FILIP1: variants seen among roughly 807,000 people sequenced by gnomAD.
FILIP1 encodes the protein filamin A interacting protein 1, also known as filamin-A-interacting protein 1.
In FILIP1, 61 loss-of-function variants were observed where a neutral mutation model predicts 102.1. The observed-to-expected ratio is 0.60, with a 90% confidence interval of 0.49 to 0.74. The LOEUF is 0.74. Ranked by LOEUF, FILIP1 falls within the 30% of genes least tolerant of loss-of-function variation. The pLI, the probability that FILIP1 is intolerant of heterozygous loss-of-function variation, is 0.00. For synonymous variants in FILIP1, 491 were observed against 526.9 expected, an observed-to-expected ratio of 0.93 and a Z score of 0.93; for missense variants, 1,314 against 1,441.2, an observed-to-expected ratio of 0.91 and a Z score of 1.43.
Position 75,312,406 on chromosome 6 carries a change from G to A in FILIP1, c.3426C>T (p.Thr1142=). 2 of 1,613,272 alleles carry A rather than the reference G, an allele frequency of 1.2e-6. No individual in the cohort carries two copies. Among genetic ancestry groups the A allele is most frequent in the Non-Finnish European group, 1.7e-6 (2 of 1,179,534 alleles). ...AGCCTCTTCTACTCACCACTGACTG[G>A]GTTCCTCGAGCAGATGACGTTGTGA... ...TPVTTSSARG[T]QSVSGQDGSS... The change falls in exon 5 of 6, where the codon ACC becomes ACT. Residue 1142 remains threonine (T), a synonymous_variant. Coordinates refer to ENST00000237172, the MANE Select transcript of FILIP1 (RefSeq NM_015687.5).
chr6:75,313,619 T>C lies in FILIP1; in HGVS notation c.2213A>G (p.Glu738Gly). Residue 738 changes from glutamate to glycine, a missense_variant, in exon 5 of 6, where the codon GAA becomes GGA. This residue lies in a region of FILIP1 where 816 missense variants were observed against 913.1 expected (regional missense o/e 0.89). Coordinates refer to ENST00000237172, the MANE Select transcript of FILIP1 (RefSeq NM_015687.5). This position sits in a 1 kb window ranked among gnomAD's most constrained non-coding sequence, Gnocchi z 4.2. ...KEKIHELMNK[E>G]DQLSQLQVDY... is the part of the protein sequence containing the mutation. The stretch of plus-strand genomic sequence containing the variant: ...TACCTGGAGCTGAGAAAGCTGATCT[T>C]CTTTGTTCATTAATTCGTGAATCTT... 1 of 1,603,244 alleles carries C rather than the reference T, an allele frequency of 6.2e-7. No homozygotes were observed. The highest frequency in any genetic ancestry group is 8.5e-7 in the Non-Finnish European group (1 of 1,177,046).
intron 1 of FILIP1, among the ~76,000 whole-genome samples, chr6:75,481,181 T>C (rs969682274): frequency 6.6e-6 from 1 of 152,250 alleles, no homozygotes; most frequent in East Asian, 1.9e-4. Context: ...ATTTACCCAC[T>C]AGTCACTTGG....
chr6:75,307,948 A>G, downstream of FILIP1: 1 of 765,970 alleles, frequency 1.3e-6, no homozygotes, highest in Non-Finnish European at 1.6e-6. Flanking sequence ...ATTTAAATCA[A>G]TTGCACACTT....
intron 1 of FILIP1, among the ~76,000 whole-genome samples, chr6:75,483,752 C>G (rs376022919): frequency 3.3e-5 from 5 of 152,198 alleles, no homozygotes; most frequent in African/African-American, 1.2e-4. Context: ...AATGAGGGAG[C>G]AGCTGCCATT....
chr6:75,409,558 C>T (rs933824516), intron 2 of FILIP1, among the ~76,000 whole-genome samples: 11 of 152,098 alleles, frequency 7.2e-5, no homozygotes, highest in African/African-American at 2.7e-4. Context: ...AAACTAACCC[C>T]TTCCTTGCTC....
chr6:75,423,227 G>C (rs1369125287), intron 1 of FILIP1, among the ~76,000 whole-genome samples: 1 of 152,164 alleles, frequency 6.6e-6, no homozygotes, highest in African/African-American at 2.4e-5. Flanking sequence ...AGGTGAAAAA[G>C]CTTGATAAGT....
intron 1 of FILIP1, chr6:75,455,016 G>A (rs1778777708): frequency 6.6e-6 from 1 of 152,066 alleles, no homozygotes; most frequent in South Asian, 2.1e-4. Context: ...CTAGGAGGTG[G>A]GAGCATTAGA....
intron 2 of FILIP1, among the ~76,000 whole-genome samples, chr6:75,378,297 C>G (rs888730922): frequency 3.3e-5 from 5 of 152,146 alleles, no homozygotes; most frequent in African/African-American, 1.2e-4. Context: ...CCATTTTAAA[C>G]AGCAAAATCA....
chr6:75,478,592 C>T (rs1390239719), intron 1 of FILIP1, among the ~76,000 whole-genome samples: 1 of 152,162 alleles, frequency 6.6e-6, no homozygotes, highest in African/African-American at 2.4e-5. Flanking sequence ...AGCTCTTATA[C>T]AACAGGTATC....
Position 75,308,630 on chromosome 6 carries a change from T to A in FILIP1, c.*61A>T, listed in dbSNP as rs1400773821. On this transcript the variant is annotated 3_prime_UTR_variant, in exon 6 of 6. Coordinates refer to ENST00000237172, the MANE Select transcript of FILIP1 (RefSeq NM_015687.5). ...CATGTAAAGAACTGGCACAAACAGA[T>A]GAAGGTTCACTTTCACGGCAGCAGT... 5 of 1,601,742 alleles carry A rather than the reference T, an allele frequency of 3.1e-6. No individual in the cohort carries two copies. The highest frequency in any genetic ancestry group is 4.3e-6 in the Non-Finnish European group (5 of 1,173,296).
At chr6:75,410,498 A>G (rs1429854727) in intron 2 of FILIP1, among the ~76,000 whole-genome samples, 2 of 151,894 alleles carry the variant, frequency 1.3e-5, no homozygotes, top group Non-Finnish European at 2.9e-5. Context: ...TCCTGCACCC[A>G]TCAACCCTTC....
intron 2 of FILIP1, among the ~76,000 whole-genome samples, chr6:75,394,005 T>C (rs375975901): frequency 1.8e-4 from 27 of 152,292 alleles, no homozygotes; most frequent in African/African-American, 6.0e-4. Context: ...CAGTAAGCCC[T>C]CTGCAGAGGG....
At chr6:75,378,074 A>G (rs1304813228) in intron 2 of FILIP1, among the ~76,000 whole-genome samples, 1 of 152,194 alleles carries the variant, frequency 6.6e-6, no homozygotes, top group Non-Finnish European at 1.5e-5. Flanking sequence ...ATTTTCATCA[A>G]CCAATCAATA....
chr6:75,467,740 GA>G (rs1404747876), intron 1 of FILIP1, among the ~76,000 whole-genome samples: 1 of 152,172 alleles, frequency 6.6e-6, no homozygotes, highest in Non-Finnish European at 1.5e-5. Flanking sequence ...TAAACTTTGA[GA>G]AGACATTGGA....
intron 1 of FILIP1, among the ~76,000 whole-genome samples, chr6:75,456,648 C>G (rs959714489): frequency 4.6e-5 from 7 of 151,808 alleles, no homozygotes; most frequent in Admixed American, 2.0e-4. Flanking sequence ...CAACCTCCCC[C>G]TCCTGGGCTC....
rs185848359 is a variant in FILIP1, at chr6:75,293,688, G to A, written c.*2222C>T. On this transcript the variant is annotated 3_prime_UTR_variant, in exon 7 of 7. Coordinates refer to the FILIP1 transcript ENST00000393004. ...ATAGTATTTTAATTTAAATCAAGAAGTATTTAAAATCTTATCCTCTAACAT... is the reference window on the plus strand; with the variant it reads ...ATAGTATTTTAATTTAAATCAAGAAATATTTAAAATCTTATCCTCTAACAT... 4 of 152,158 alleles carry A rather than the reference G, an allele frequency of 2.6e-5. No individual in the cohort carries two copies. In the East Asian group the frequency reaches 5.8e-4, roughly 22 times the overall value. 9.4% of individuals were successfully genotyped at this position (152,158 alleles called of 1,614,324 possible). A position where few individuals can be genotyped will look rare whatever the true frequency, so the allele number is the denominator to read the frequency against.
At chr6:75,350,092 A>G (rs1331464238) in intron 4 of FILIP1, among the ~76,000 whole-genome samples, 1 of 152,154 alleles carries the variant, frequency 6.6e-6, no homozygotes, top group East Asian at 1.9e-4. Context: ...TTAAGGTATC[A>G]ATCAGGTCCT....
intron 4 of FILIP1, among the ~76,000 whole-genome samples, chr6:75,334,079 T>A (rs1420373688): frequency 6.7e-6 from 1 of 150,126 alleles, no homozygotes; most frequent in East Asian, 1.9e-4. Context: ...ACAACAACAA[T>A]AACAACAAAC....
intron 2 of FILIP1, among the ~76,000 whole-genome samples, chr6:75,411,011 G>A (rs531138527): frequency 6.6e-6 from 1 of 152,222 alleles, no homozygotes; most frequent in Admixed American, 6.5e-5. Flanking sequence ...CTTCCACATT[G>A]GTTGAACTAA....
Sources: gnomAD v4.1 joint callset for allele counts (sites outside exome capture counted in the v4.1 genomes callset) on GRCh38, gnomAD v4.1.1 for gene constraint, gnomAD v4.1.1 regional missense constraint, Gnocchi (gnomAD v3.1) non-coding constraint, MANE v1.5 for transcripts, NCBI Gene and HGNC (gene_info 2026-07-23, HGNC 2026-07-21) for gene names.